The following PCDH11Y variants were observed in gnomAD, a reference collection of about 807,000 sequenced individuals.
The protein encoded by PCDH11Y is protocadherin-11 Y-linked.
For missense variants in PCDH11Y, 12 were observed against 224.8 expected, an observed-to-expected ratio of 0.05 and a Z score of 6.05; for synonymous variants, 9 against 83.6, an observed-to-expected ratio of 0.11 and a Z score of 4.87.
intron 3 of PCDH11Y, among the ~76,000 whole-genome samples, chrY:5,519,672 C>G: frequency 3.1e-5 from 1 of 32,027 alleles, no homozygotes; most frequent in African/African-American, 1.2e-4. Flanking sequence ...TAGGTAATGT[C>G]TAGATTTTAG....
chrY:5,160,096 T>C, intron 2 of PCDH11Y, among the ~76,000 whole-genome samples: 1 of 26,046 alleles, frequency 3.8e-5, no homozygotes, highest in African/African-American at 1.6e-4. Flanking sequence ...TGAGAATGGT[T>C]CCTTGCCTAA....
At chrY:5,092,327 G>A in intron 1 of PCDH11Y, among the ~76,000 whole-genome samples, 1 of 33,182 alleles carries the variant, frequency 3.0e-5, no homozygotes, top group Non-Finnish European at 7.5e-5. Flanking sequence ...AAGTAGCGAG[G>A]GACTGGCTGA....
At chrY:5,046,907 A>C in intron 3 of PCDH11Y, among the ~76,000 whole-genome samples, 1 of 33,857 alleles carries the variant, frequency 3.0e-5, no homozygotes, top group African/African-American at 1.2e-4. Flanking sequence ...TTCTTTGATT[A>C]GGAAAGGGAA....
At chrY:5,720,167 A>T in intron 4 of PCDH11Y, among the ~76,000 whole-genome samples, 1 of 31,940 alleles carries the variant, frequency 3.1e-5, no homozygotes, top group Non-Finnish European at 7.6e-5. Context: ...CTTGTCTCAG[A>T]TGAGACTTTG....
intron 4 of PCDH11Y, among the ~76,000 whole-genome samples, chrY:5,685,112 C>A: frequency 7.0e-5 from 2 of 28,619 alleles, no homozygotes; most frequent in African/African-American, 1.4e-4. Flanking sequence ...TGTACACCTG[C>A]TATTTACCTA....
At chrY:5,448,759 A>T in intron 2 of PCDH11Y, among the ~76,000 whole-genome samples, 1 of 33,203 alleles carries the variant, frequency 3.0e-5, no homozygotes, top group South Asian at 6.7e-4. Context: ...AAAAGCAGAG[A>T]AAAGTCATGC....
chrY:5,478,962 C>G (rs2053322852), intron 2 of PCDH11Y, among the ~76,000 whole-genome samples: 1 of 31,976 alleles, frequency 3.1e-5, no homozygotes, highest in Non-Finnish European at 7.6e-5. Flanking sequence ...ATACAGCACA[C>G]CAATGGGTCT....
exon 5 of PCDH11Y, chrY:5,741,835 C>T: frequency 3.2e-5 from 1 of 31,604 alleles, no homozygotes; most frequent in Non-Finnish European, 7.7e-5. Flanking sequence ...ACAGCAGAAA[C>T]AGTAACAAAA....
At chrY:5,602,478 G>A in intron 4 of PCDH11Y, among the ~76,000 whole-genome samples, 1 of 32,816 alleles carries the variant, frequency 3.0e-5, no homozygotes, top group Non-Finnish European at 7.5e-5. Flanking sequence ...TAGGCTTGGG[G>A]AAGAGAATGG....
At chrY:5,448,824 C>T (rs1602927310) in intron 2 of PCDH11Y, among the ~76,000 whole-genome samples, 1 of 33,065 alleles carries the variant, frequency 3.0e-5, no homozygotes, top group African/African-American at 1.2e-4. Context: ...AGGTTGGCAG[C>T]TGCATTGCCC....
At chrY:5,406,592 T>C (rs2053238987) in intron 2 of PCDH11Y, among the ~76,000 whole-genome samples, 1 of 33,767 alleles carries the variant, frequency 3.0e-5, no homozygotes, top group African/African-American at 1.1e-4. Flanking sequence ...AACAGAACAT[T>C]CATAAATTGG....
At chrY:5,426,434 T>G in intron 2 of PCDH11Y, among the ~76,000 whole-genome samples, 1 of 33,107 alleles carries the variant, frequency 3.0e-5, no homozygotes, top group Admixed American at 2.8e-4. Flanking sequence ...TATTTTTCTT[T>G]CACAAAACAT....
At chrY:5,232,757 T>G in intron 2 of PCDH11Y, among the ~76,000 whole-genome samples, 1 of 32,189 alleles carries the variant, frequency 3.1e-5, no homozygotes, top group Non-Finnish European at 7.6e-5. Flanking sequence ...GCACTAGGAC[T>G]CACATACACG....
At chrY:5,280,016 C>A (rs2053051367) in intron 2 of PCDH11Y, among the ~76,000 whole-genome samples, 1 of 12,019 alleles carries the variant, frequency 8.3e-5, no homozygotes, top group African/African-American at 3.4e-4. Context: ...GACTATGAAT[C>A]TTCTTTTAAA....
At chrY:5,519,397 A>G (rs2053377745) in intron 3 of PCDH11Y, among the ~76,000 whole-genome samples, 1 of 31,242 alleles carries the variant, frequency 3.2e-5, no homozygotes, top group African/African-American at 1.3e-4. Context: ...CTCAAAAAAA[A>G]AAAAAAAAAA....
chrY:5,425,076 C>T, intron 2 of PCDH11Y, among the ~76,000 whole-genome samples: 1 of 33,573 alleles, frequency 3.0e-5, no homozygotes, highest in African/African-American at 1.2e-4. Flanking sequence ...AGCATATGAA[C>T]TCTCTTCCAG....
At chrY:5,466,820 C>T in intron 2 of PCDH11Y, among the ~76,000 whole-genome samples, 4 of 32,521 alleles carry the variant, frequency 1.2e-4, no homozygotes, top group African/African-American at 4.8e-4. Context: ...ATAGCAGCAT[C>T]GTTGAAATAA....
chrY:5,117,104 G>A (rs2052811697), intron 2 of PCDH11Y, among the ~76,000 whole-genome samples: 1 of 32,369 alleles, frequency 3.1e-5, no homozygotes, highest in Non-Finnish European at 7.6e-5. Flanking sequence ...TCACATAGGG[G>A]CATGCACCTT....
chrY:5,004,921 G>A (rs2052537703), intron 1 of PCDH11Y, among the ~76,000 whole-genome samples: 1 of 33,897 alleles, frequency 3.0e-5, no homozygotes, highest in Admixed American at 2.6e-4. Flanking sequence ...TGAACATAAT[G>A]GAGAGAGGAA....
Sources: gnomAD v4.1 joint callset for allele counts (sites outside exome capture counted in the v4.1 genomes callset) on GRCh38, gnomAD v4.1.1 for gene constraint, MANE v1.5 for transcripts, NCBI Gene and HGNC (gene_info 2026-07-23, HGNC 2026-07-21) for gene names.